The following RPTOR variants were observed in gnomAD, a reference collection of about 807,000 sequenced individuals.
The protein encoded by RPTOR is regulatory-associated protein of mTOR.
In RPTOR, 21 loss-of-function variants were observed where a neutral mutation model predicts 169.9. That is an observed-to-expected ratio of 0.12 (90% CI 0.09 to 0.18). The LOEUF (loss-of-function observed/expected upper bound fraction) is 0.18. Ranked by LOEUF, RPTOR falls within the 10% of genes least tolerant of loss-of-function variation. The probability of loss-of-function intolerance (pLI) is 1.00; values close to 1 mark genes in which losing one functional copy is unlikely to be tolerated. For synonymous variants in RPTOR, 732 were observed against 753.2 expected (o/e 0.97, Z 0.46); for missense variants, 1,133 against 1,855.9 (o/e 0.61, Z 7.16).
intron 9 of RPTOR, among the ~76,000 whole-genome samples, chr17:80,830,186 G>T (rs1224925345): frequency 6.6e-6 from 1 of 152,112 alleles, no homozygotes; most frequent in Non-Finnish European, 1.5e-5. Flanking sequence ...TCTGTTCTGT[G>T]GCATCTTCCT....
intron 1 of RPTOR, among the ~76,000 whole-genome samples, chr17:80,592,530 G>A (rs1167427955): frequency 6.6e-6 from 1 of 152,116 alleles, no homozygotes; most frequent in African/African-American, 2.4e-5. Flanking sequence ...AGTTCAGCAA[G>A]CTCGTTTAGG....
intron 25 of RPTOR, among the ~76,000 whole-genome samples, chr17:80,942,755 A>G (rs2069048818): frequency 6.6e-6 from 1 of 152,248 alleles, no homozygotes; most frequent in Non-Finnish European, 1.5e-5. Context: ...GGGTTGGGAA[A>G]GCCCTGTGTC....
At chr17:80,611,114 CA>C (rs1243644346) in intron 1 of RPTOR, among the ~76,000 whole-genome samples, 17 of 152,138 alleles carry the variant, frequency 1.1e-4, no homozygotes, top group African/African-American at 3.6e-4. Context: ...ACTTTTCACA[CA>C]ATTGGAAGAC....
In RPTOR at chr17:80,544,849, A is replaced by G. The variant is rs2084253271; in HGVS notation, c.-781A>G. The G allele has an allele frequency of 4.6e-6, 1 of 216,752 alleles. No individual in the cohort carries two copies. Among genetic ancestry groups the G allele is most frequent in the African/African-American group, 2.3e-5 (1 of 44,382 alleles). The allele number at this position is 216,752 out of a possible 1,614,324, so 13.4% of individuals were successfully genotyped here. ...GCGGTGCATTCTGGGTCCTGGCAATATGGCGTCCTCCTTGATGGGCTGATG... is the reference window on the plus strand; with the variant it reads ...GCGGTGCATTCTGGGTCCTGGCAATGTGGCGTCCTCCTTGATGGGCTGATG... On this transcript the variant is annotated 5_prime_UTR_variant, in exon 1 of 34. The change creates a new upstream start codon in the 5' untranslated region. Coordinates refer to ENST00000306801, the MANE Select transcript of RPTOR (RefSeq NM_020761.3).
intron 1 of RPTOR, among the ~76,000 whole-genome samples, chr17:80,601,395 C>T (rs887405989): frequency 1.7e-4 from 6 of 34,588 alleles, no homozygotes; most frequent in Non-Finnish European, 3.1e-4. Flanking sequence ...GCCGGCGGGC[C>T]GCTCTCCCAC....
chr17:80,766,182 G>T (rs1230567826), intron 6 of RPTOR, among the ~76,000 whole-genome samples: 1 of 151,950 alleles, frequency 6.6e-6, no homozygotes, highest in Non-Finnish European at 1.5e-5. Context: ...CAGCCCCCCA[G>T]GTAACTGGGA....
chr17:80,880,244 A>C (rs2068171246), intron 13 of RPTOR, among the ~76,000 whole-genome samples, 171 bp from the exon 14 acceptor site: 1 of 152,196 alleles, frequency 6.6e-6, no homozygotes. Context: ...CAAGGAAAGC[A>C]TGTCTGCAGG....
rs1050212152 is a variant in RPTOR, at chr17:80,641,367, C to G, written c.266-2361C>G. ...ATTAGAATTTCCAGAAGGTTAGGGC[C>G]TGGCATCTCTGTTTTGAAAAGCCCT... On this transcript the variant is annotated intron_variant, in intron 2 of 33. Coordinates refer to ENST00000306801, the MANE Select transcript of RPTOR (RefSeq NM_020761.3). Among the ~76,000 whole-genome samples, 4 of 152,372 alleles carry G rather than the reference C, an allele frequency of 2.6e-5. No individual in the cohort carries two copies. The East Asian group carries it at 7.7e-4, about 29-fold the overall frequency.
chr17:80,672,126 G>T (rs1441290577), intron 3 of RPTOR, among the ~76,000 whole-genome samples: 1 of 152,178 alleles, frequency 6.6e-6, no homozygotes, highest in Non-Finnish European at 1.5e-5. Context: ...TACTGGAGAG[G>T]AACAGTGGCC....
At chr17:80,586,837 C>T (rs117279226) in intron 1 of RPTOR, among the ~76,000 whole-genome samples, 1,615 of 151,258 alleles carry the variant, frequency 0.011, 11 homozygotes, top group Middle Eastern at 0.031. Context: ...ATATGTTTCT[C>T]ATGGCCTTTC....
chr17:80,922,697 T>C, intron 21 of RPTOR, 27 bp from the exon 22 acceptor site: 2 of 1,548,660 alleles, frequency 1.3e-6, no homozygotes, highest in South Asian at 2.4e-5. Context: ...CCGTCTGACC[T>C]TCACACCCCC....
At chr17:80,671,124 C>A (rs1314385267) in intron 3 of RPTOR, among the ~76,000 whole-genome samples, 1 of 152,200 alleles carries the variant, frequency 6.6e-6, no homozygotes, top group African/African-American at 2.4e-5. Flanking sequence ...TTCTCAGAGT[C>A]CAAGTCACAT....
intron 2 of RPTOR, among the ~76,000 whole-genome samples, chr17:80,627,873 T>C (rs2065408254): frequency 6.6e-6 from 1 of 151,850 alleles, no homozygotes; most frequent in Non-Finnish European, 1.5e-5. Context: ...GTTTTGCTCT[T>C]GTTGCCCAGG....
intron 20 of RPTOR, among the ~76,000 whole-genome samples, chr17:80,907,216 G>A (rs1370438038): frequency 2.0e-5 from 3 of 152,236 alleles, no homozygotes; most frequent in African/African-American, 4.8e-5. Flanking sequence ...CACCTCACTC[G>A]AAACCCTTTG....
At position 80,965,738 on chromosome 17, in the gene RPTOR, C is replaced by T; in HGVS notation, c.*1408C>T. ...CTGCCTGGTCACATTTGGCCAGAGA[C>T]ACACCTGGCCCTCAGGGGGCTGAGC... On this transcript the variant is annotated 3_prime_UTR_variant, in exon 34 of 34. Transcript: ENST00000306801. 4.3e-6 allele frequency: 1 copy of T among 233,390 alleles called. No homozygotes were observed. Among genetic ancestry groups the T allele is most frequent in the Non-Finnish European group, 8.5e-6 (1 of 118,106 alleles). The allele number at this position is 233,390 out of a possible 1,614,324, so 14.5% of individuals were successfully genotyped here.
chr17:80,724,556 T>C (rs1177140950), intron 4 of RPTOR, among the ~76,000 whole-genome samples: 1 of 152,124 alleles, frequency 6.6e-6, no homozygotes, highest in East Asian at 1.9e-4. Flanking sequence ...ATCCCAGCTA[T>C]CCACAGAGAT....
At chr17:80,774,488 G>A (rs534516472) in intron 6 of RPTOR, among the ~76,000 whole-genome samples, 108 of 152,322 alleles carry the variant, frequency 7.1e-4, no homozygotes, top group African/African-American at 2.2e-3. Context: ...CTCCGCGTGC[G>A]GCCGTCTGGG....
At chr17:80,768,905 T>G (rs554248404) in intron 6 of RPTOR, among the ~76,000 whole-genome samples, 2 of 152,332 alleles carry the variant, frequency 1.3e-5, no homozygotes, top group East Asian at 3.9e-4. Context: ...AGCTCCGTAT[T>G]TAATAGCAGG....
At chr17:80,884,018 T>A in intron 16 of RPTOR, 46 bp downstream of exon 16, 1 of 1,578,038 alleles carries the variant, frequency 6.3e-7, no homozygotes, top group Non-Finnish European at 8.6e-7. Context: ...GGCTGCCGAC[T>A]GCGGGGGTAA....
Sources: gnomAD v4.1 joint callset for allele counts (sites outside exome capture counted in the v4.1 genomes callset) on GRCh38, gnomAD v4.1.1 for gene constraint, MANE v1.5 for transcripts, NCBI Gene and HGNC (gene_info 2026-07-23, HGNC 2026-07-21) for gene names.